The following ZNF846 variants were observed in gnomAD, a reference collection of about 807,000 sequenced individuals.
ZNF846 encodes the protein zinc finger protein 846.
ZNF846 carries 15 observed loss-of-function variants against 16.0 expected under a neutral mutation model. The ratio of observed to expected loss-of-function variants is 0.94; its 90% CI spans 0.63 to 1.45. The LOEUF is 1.45. Ranked by LOEUF, ZNF846 falls within the 40% of genes most tolerant of loss-of-function variation. The probability of loss-of-function intolerance (pLI) is 0.00; values close to 1 mark genes in which losing one functional copy is unlikely to be tolerated. For synonymous variants in ZNF846, 229 were observed against 212.0 expected, an observed-to-expected ratio of 1.08 and a Z score of -0.70; for missense variants, 714 against 622.3, an observed-to-expected ratio of 1.15 and a Z score of -1.57.
At chr19:9,761,980 G>T in intron 4 of ZNF846, 102 bp downstream of exon 4, 2 of 894,196 alleles carry the variant, frequency 2.2e-6, no homozygotes, top group Non-Finnish European at 3.6e-6. Flanking sequence ...TCAGGAAGAA[G>T]AGTATACCCT....
At chr19:9,771,075 T>C (rs561391135), upstream of ZNF846, among the ~76,000 whole-genome samples, 1 of 152,238 alleles carries the variant, frequency 6.6e-6, no homozygotes, top group African/African-American at 2.4e-5. Context: ...CCGAGCAGTG[T>C]ACAATGTACC....
chr19:9,764,000 G>T (rs140030953), intron 2 of ZNF846, among the ~76,000 whole-genome samples: 3 of 152,168 alleles, frequency 2.0e-5, no homozygotes, highest in Admixed American at 6.5e-5. Context: ...AGCCAACAGC[G>T]TGTGATGTGC....
chr19:9,756,345 G>GTGTGTGTATATATATA (rs1321690890), downstream of ZNF846: 5 of 81,766 alleles, frequency 6.1e-5, no homozygotes, highest in African/African-American at 3.0e-4. Flanking sequence ...GTGTGTGTGT[G>GTGTGTGTATATATATA]TATATATATA....
At chr19:9,763,126 T>C (rs1020458938) in intron 3 of ZNF846, among the ~76,000 whole-genome samples, 156 bp downstream of exon 3, 12 of 144,538 alleles carry the variant, frequency 8.3e-5, no homozygotes, top group African/African-American at 3.2e-4. Context: ...GCCTGGGCAA[T>C]AGAGCCAGAC....
chr19:9,753,594 T>G (rs2045105774), downstream of ZNF846, among the ~76,000 whole-genome samples: 1 of 151,632 alleles, frequency 6.6e-6, no homozygotes, highest in South Asian at 2.1e-4. Context: ...CTCATAAATT[T>G]TGGTATGCCA....
At chr19:9,754,337 A>T (rs555383281), downstream of ZNF846, among the ~76,000 whole-genome samples, 1 of 151,368 alleles carries the variant, frequency 6.6e-6, no homozygotes, top group Admixed American at 6.6e-5. Context: ...GGCTGAGGTG[A>T]GCAGATCACC....
At chr19:9,767,526 A>G (rs1415598727) in intron 1 of ZNF846, among the ~76,000 whole-genome samples, 1 of 152,224 alleles carries the variant, frequency 6.6e-6, no homozygotes, top group African/African-American at 2.4e-5. Flanking sequence ...GATATATAAT[A>G]GGTGTTCAAT....
At chr19:9,764,892 G>A in intron 2 of ZNF846, 44 bp downstream of exon 2, 1 of 1,611,510 alleles carries the variant, frequency 6.2e-7, no homozygotes, top group Non-Finnish European at 8.5e-7. Context: ...ACCGATGATG[G>A]CTACAAGCAT....
chr19:9,774,176 T>C (rs1599399574), intron 1 of ZNF846, among the ~76,000 whole-genome samples: 1 of 152,026 alleles, frequency 6.6e-6, no homozygotes, highest in South Asian at 2.1e-4. Context: ...CTCAAAAATA[T>C]AACAATCCCA....
chr19:9,774,190 C>T (rs778470410), intron 1 of ZNF846, among the ~76,000 whole-genome samples: 8 of 152,034 alleles, frequency 5.3e-5, no homozygotes, highest in South Asian at 4.1e-4. Context: ...AATCCCAGGC[C>T]GGGCGCAGTG....
intron 5 of ZNF846, among the ~76,000 whole-genome samples, chr19:9,759,105 C>T (rs985457594): frequency 1.3e-5 from 2 of 151,772 alleles, no homozygotes; most frequent in Non-Finnish European, 2.9e-5. Context: ...TCAAGGGATT[C>T]TCAGGCCTCA....
exon 6 of ZNF846, chr19:9,752,251 A>G (rs2145154646): frequency 5.9e-6 from 1 of 169,634 alleles, no homozygotes; most frequent in South Asian, 1.2e-4. Flanking sequence ...AAGTTCTTCC[A>G]CCTTTTTTAT....
At chr19:9,783,229 T>G in intron 1 of ZNF846, among the ~76,000 whole-genome samples, 1 of 129,042 alleles carries the variant, frequency 7.7e-6, no homozygotes, top group African/African-American at 3.0e-5. Flanking sequence ...TTTTTTTTTT[T>G]TTTTTTTTTT....
At chr19:9,786,086 A>C (rs978242318) in exon 1 of ZNF846, 1 of 151,694 alleles carries the variant, frequency 6.6e-6, no homozygotes, top group African/African-American at 2.4e-5. Flanking sequence ...AGGCCTGAGG[A>C]GTTGGGAGGG....
At chr19:9,776,749 C>A (rs560332342) in intron 1 of ZNF846, among the ~76,000 whole-genome samples, 1 of 152,298 alleles carries the variant, frequency 6.6e-6, no homozygotes, top group South Asian at 2.1e-4. Context: ...AGCCCACCGA[C>A]CCTGTGGGGC....
rs2045241545 is a variant in ZNF846, at chr19:9,762,188, AAAG to A, written c.143-23_143-21del. The A allele has an allele frequency of 6.3e-7, 1 of 1,599,712 alleles. No individual in the cohort carries two copies. The highest frequency in any genetic ancestry group is 1.1e-5 in the South Asian group (1 of 90,778). Reference sequence around the variant, plus strand: ...ACCCTGCTGGAGGGAAAAATGCACAAAAGAAGAGGCCCATGCAAGACATAACAC... The same window carrying A: ...ACCCTGCTGGAGGGAAAAATGCACAAAAGAGGCCCATGCAAGACATAACAC... On this transcript the variant is annotated intron_variant, in intron 3 of 5. Coordinates refer to ENST00000397902, the Ensembl canonical transcript of ZNF846.
At chr19:9,783,541 A>T (rs1273713936) in intron 1 of ZNF846, among the ~76,000 whole-genome samples, 3 of 104,946 alleles carry the variant, frequency 2.9e-5, no homozygotes, top group East Asian at 2.1e-4. Context: ...AAAAAAAAAA[A>T]AAAATATATA....
intron 2 of ZNF846, 51 bp from the exon 3 acceptor site, chr19:9,763,459 G>T: frequency 6.5e-7 from 1 of 1,528,732 alleles, no homozygotes; most frequent in Non-Finnish European, 8.8e-7. Context: ...CTCCTTTGAT[G>T]TTCTGAGAAA....
intron 1 of ZNF846, among the ~76,000 whole-genome samples, chr19:9,775,776 C>T (rs1197318972): frequency 2.0e-5 from 3 of 152,114 alleles, no homozygotes; most frequent in Non-Finnish European, 4.4e-5. Flanking sequence ...GGGCAGCAAG[C>T]CACCCAGGTG....
Sources: gnomAD v4.1 joint callset for allele counts (sites outside exome capture counted in the v4.1 genomes callset) on GRCh38, gnomAD v4.1.1 for gene constraint, MANE v1.5 for transcripts, NCBI Gene and HGNC (gene_info 2026-07-23, HGNC 2026-07-21) for gene names.